The following KLF12 variants were observed in gnomAD, a reference collection of about 807,000 sequenced individuals.
KLF12 encodes KLF transcription factor 12.
KLF12 carries 9 observed loss-of-function variants against 37.8 expected under a neutral mutation model. The ratio of observed to expected loss-of-function variants is 0.24; its 90% confidence interval spans 0.14 to 0.42. KLF12 has a LOEUF of 0.42. Among genes scored for constraint, KLF12 ranks in the 10% least tolerant of loss-of-function variants. The pLI, the probability that KLF12 is intolerant of heterozygous loss-of-function variation, is 1.00. For missense variants in KLF12, 411 were observed against 516.0 expected (o/e 0.80, Z 1.97); for synonymous variants, 208 against 202.1 (o/e 1.03, Z -0.25).
intron 1 of KLF12, among the ~76,000 whole-genome samples, chr13:74,049,888 T>C (rs1872791947): frequency 6.6e-6 from 1 of 152,224 alleles, no homozygotes; most frequent in South Asian, 2.1e-4. Flanking sequence ...CCCAATCCTC[T>C]GACATGTCCT....
At chr13:73,705,803 T>C (rs1402000442) in intron 7 of KLF12, among the ~76,000 whole-genome samples, 2 of 152,092 alleles carry the variant, frequency 1.3e-5, no homozygotes, top group African/African-American at 2.4e-5. Context: ...GATGGATGTA[T>C]GGATAAAATG....
intron 6 of KLF12, among the ~76,000 whole-genome samples, chr13:73,757,746 C>T (rs1377677288): frequency 6.6e-6 from 1 of 152,092 alleles, no homozygotes; most frequent in Non-Finnish European, 1.5e-5. Context: ...CAATTTTAGT[C>T]ATTATTCTTT....
At chr13:74,082,774 T>C (rs1185732965) in intron 1 of KLF12, among the ~76,000 whole-genome samples, 1 of 152,116 alleles carries the variant, frequency 6.6e-6, no homozygotes, top group East Asian at 1.9e-4. Context: ...AGAATATAAC[T>C]TCAAAAGAAA....
the KLF12 span, among the ~76,000 whole-genome samples, chr13:74,304,756 A>T: frequency 6.6e-6 from 1 of 152,068 alleles, no homozygotes; most frequent in Non-Finnish European, 1.5e-5. Flanking sequence ...TGTAATTGGT[A>T]AACTCAGCTG....
chr13:74,036,655 T>G (rs945531707), intron 1 of KLF12, among the ~76,000 whole-genome samples: 5 of 152,186 alleles, frequency 3.3e-5, no homozygotes, highest in African/African-American at 1.2e-4. Context: ...GACATTCACT[T>G]TGCATATCCC....
At chr13:73,852,005 C>A (rs1445883440) in intron 3 of KLF12, among the ~76,000 whole-genome samples, 1 of 152,118 alleles carries the variant, frequency 6.6e-6, no homozygotes, top group Non-Finnish European at 1.5e-5. Context: ...AAGAGATGAG[C>A]ACCATTCTTA....
chr13:73,750,311 T>C (rs944322002), intron 6 of KLF12, among the ~76,000 whole-genome samples: 3 of 152,100 alleles, frequency 2.0e-5, no homozygotes, highest in Non-Finnish European at 4.4e-5. Flanking sequence ...CTGTGCAAAT[T>C]TGGACAAAAT....
chr13:74,155,322 T>C, the KLF12 span, among the ~76,000 whole-genome samples: 1 of 152,134 alleles, frequency 6.6e-6, no homozygotes, highest in African/African-American at 2.4e-5. Flanking sequence ...GTCAGTTATA[T>C]ATAGCTCCTA....
At chr13:73,760,683 T>C (rs1163657030) in intron 6 of KLF12, among the ~76,000 whole-genome samples, 1 of 152,110 alleles carries the variant, frequency 6.6e-6, no homozygotes, top group Non-Finnish European at 1.5e-5. Context: ...CCATAAAGTT[T>C]GTATTATGTG....
intron 1 of KLF12, among the ~76,000 whole-genome samples, chr13:74,097,284 A>G (rs1282220528): frequency 6.6e-6 from 1 of 152,140 alleles, no homozygotes; most frequent in Non-Finnish European, 1.5e-5. Context: ...AGAAAGTTTA[A>G]TGAGTGTCAT....
chr13:74,029,639 T>TAA (rs1403204625), intron 1 of KLF12, among the ~76,000 whole-genome samples: 2 of 152,064 alleles, frequency 1.3e-5, no homozygotes, highest in Non-Finnish European at 2.9e-5. Flanking sequence ...GTATCACTCT[T>TAA]ACAGTTTGTT....
At chr13:74,238,155 G>T in the KLF12 span, among the ~76,000 whole-genome samples, 2 of 132,456 alleles carry the variant, frequency 1.5e-5, no homozygotes, top group East Asian at 4.0e-4. Flanking sequence ...ATGAAGGGTT[G>T]TTGAATTTTG....
At chr13:74,203,082 T>C in the KLF12 span, among the ~76,000 whole-genome samples, 2 of 152,128 alleles carry the variant, frequency 1.3e-5, no homozygotes, top group South Asian at 4.2e-4. Context: ...ATGGGTTAGA[T>C]GGGGTTCCAT....
chr13:73,739,333 T>A (rs1187327985), intron 6 of KLF12, among the ~76,000 whole-genome samples: 1 of 151,964 alleles, frequency 6.6e-6, no homozygotes, highest in Non-Finnish European at 1.5e-5. Flanking sequence ...GCAAAGCATC[T>A]GAAGCAGTGC....
chr13:74,201,799 C>T, the KLF12 span, among the ~76,000 whole-genome samples: 1 of 152,154 alleles, frequency 6.6e-6, no homozygotes, highest in African/African-American at 2.4e-5. Context: ...AGAAACCTGG[C>T]AAGTCAGACA....
At chr13:73,908,762 G>C (rs758299492) in intron 3 of KLF12, among the ~76,000 whole-genome samples, 13 of 152,102 alleles carry the variant, frequency 8.5e-5, no homozygotes, top group Non-Finnish European at 1.6e-4. Flanking sequence ...TTACAGGCGT[G>C]AGCTACCGCG....
At chr13:74,063,251 T>G in intron 1 of KLF12, among the ~76,000 whole-genome samples, 1 of 152,162 alleles carries the variant, frequency 6.6e-6, no homozygotes, top group Non-Finnish European at 1.5e-5. Context: ...AATACTTAGT[T>G]TCATTTTGAC....
intron 5 of KLF12, among the ~76,000 whole-genome samples, chr13:73,798,152 A>G (rs919180015): frequency 2.0e-5 from 3 of 152,210 alleles, no homozygotes; most frequent in African/African-American, 7.2e-5. Flanking sequence ...TTGAGCTGAC[A>G]GAAACGAGCA....
intron 6 of KLF12, among the ~76,000 whole-genome samples, chr13:73,763,842 G>A (rs1183704684): frequency 6.6e-6 from 1 of 152,118 alleles, no homozygotes; most frequent in East Asian, 1.9e-4. Flanking sequence ...GAGGAAGGAT[G>A]CCCCGGCTCT....
Sources: allele counts gnomAD v4.1 joint callset (sites outside exome capture counted in the v4.1 genomes callset), GRCh38; gene constraint gnomAD v4.1.1; transcripts MANE v1.5; gene names NCBI Gene and HGNC (gene_info 2026-07-23, HGNC 2026-07-21).